Variants in MYH15 observed in about 807,000 individuals in gnomAD.
MYH15 encodes myosin-15.
A neutral mutation model predicts 240.5 loss-of-function variants in MYH15; 227 were observed. The observed-to-expected ratio is 0.94, with a 90% CI of 0.85 to 1.05. The LOEUF (loss-of-function observed/expected upper bound fraction) is 1.05. MYH15 is among the 50% of genes least tolerant of loss of function. MYH15 has a pLI of 0.00. For missense variants in MYH15, 2,217 were observed against 2,247.5 expected, an observed-to-expected ratio of 0.99 and a Z score of 0.27; for synonymous variants, 785 against 796.7, an observed-to-expected ratio of 0.99 and a Z score of 0.25.
At chr3:108,398,353 G>A (rs1175643856) in intron 35 of MYH15, among the ~76,000 whole-genome samples, 3 of 152,322 alleles carry the variant, frequency 2.0e-5, no homozygotes, top group East Asian at 3.9e-4. Context: ...GGTTTCAGAG[G>A]GAGCATGGCC....
chr3:108,414,135 G>T, intron 30 of MYH15, 97 bp downstream of exon 30: 1 of 1,314,028 alleles, frequency 7.6e-7, no homozygotes, highest in Non-Finnish European at 1.1e-6. Flanking sequence ...GCAAGGATTT[G>T]TTAAGTGCAT....
At chr3:108,549,300 C>T in the MYH15 span, among the ~76,000 whole-genome samples, 1 of 146,388 alleles carries the variant, frequency 6.8e-6, no homozygotes, top group African/African-American at 2.5e-5. Context: ...CACAGTCCAA[C>T]AAGAAAAAAA....
chr3:108,528,354 C>A (rs2083689244), intron 1 of MYH15, among the ~76,000 whole-genome samples: 1 of 152,086 alleles, frequency 6.6e-6, no homozygotes, highest in South Asian at 2.1e-4. Flanking sequence ...ATGGCCATAT[C>A]ATTGGAAGAC....
rs375955197 is a variant in MYH15 at position 108,425,506 on chromosome 3, G to GAATGGA, written c.3702+2980_3702+2985dup. On this transcript the variant is annotated intron_variant, in intron 27 of 40. Coordinates refer to ENST00000693548, the MANE Select transcript of MYH15 (RefSeq NM_014981.3). ...AGTAGACAGACCTACATGGGAATGG[G>GAATGGA]AATGGAAAACTATGAGATGGTAAAA... Among the ~76,000 whole-genome samples, 1,167 of 152,282 alleles carry GAATGGA rather than the reference G, an allele frequency of 7.7e-3. 18 individuals carry two copies. Among genetic ancestry groups the GAATGGA allele is most frequent in the African/African-American group, 0.026 (1,098 of 41,550 alleles).
intron 37 of MYH15, among the ~76,000 whole-genome samples, chr3:108,391,469 C>T (rs2082422203): frequency 6.6e-6 from 1 of 152,050 alleles, no homozygotes; most frequent in South Asian, 2.1e-4. Context: ...CACCAGGTAG[C>T]CTTGGAGTGA....
In MYH15 at chr3:108,414,246, G is replaced by C; in HGVS notation, c.4131C>G (p.Asp1377Glu). ...YENNVIQRTE[D>E]LEDAKKELAI... is the part of the protein sequence containing the mutation. ...GCCCTACTCACTTGGCATCCTCCAA[G>C]TCTTCTGTTCTCTGGATGACATTGT... Residue 1377 changes from aspartate (D) to glutamate (E), a missense_variant, in exon 30 of 41, where the codon GAC (aspartate) becomes GAG (glutamate). Physicochemically the swap from Asp to Glu is conservative, Grantham distance 45 (BLOSUM62 2). Coordinates refer to ENST00000693548, the MANE Select transcript of MYH15 (RefSeq NM_014981.3). 1 of 1,614,088 alleles carries C rather than the reference G, an allele frequency of 6.2e-7. No individual in the cohort carries two copies. The highest frequency in any genetic ancestry group is 1.3e-5 in the African/African-American group (1 of 75,030).
intron 25 of MYH15, among the ~76,000 whole-genome samples, chr3:108,431,882 C>A (rs973242214): frequency 2.6e-5 from 4 of 152,112 alleles, no homozygotes; most frequent in Non-Finnish European, 5.9e-5. Flanking sequence ...ACTTGGGAAC[C>A]AGAGCAAAGG....
At chr3:108,523,023 C>G (rs188457720) in intron 1 of MYH15, among the ~76,000 whole-genome samples, 59 of 152,050 alleles carry the variant, frequency 3.9e-4, no homozygotes, top group Non-Finnish European at 7.8e-4. Context: ...AGAACATTTG[C>G]GAAAGGACTT....
intron 10 of MYH15, 107 bp downstream of exon 10, chr3:108,486,316 G>A (rs779198828): frequency 3.7e-6 from 3 of 807,982 alleles, no homozygotes; most frequent in Admixed American, 4.9e-5. Context: ...ACACCCCTAC[G>A]GAAGCAAGAC....
At chr3:108,421,582 T>C (rs2082684922) in intron 27 of MYH15, among the ~76,000 whole-genome samples, 1 of 152,300 alleles carries the variant, frequency 6.6e-6, no homozygotes, top group East Asian at 1.9e-4. Context: ...AATATAACTC[T>C]CATGAGGGTA....
In MYH15 at chr3:108,470,204, G is replaced by T. The variant is rs760214534; in HGVS notation, c.1392C>A (p.Ser464Arg). 24 of 1,599,628 alleles carry T rather than the reference G, an allele frequency of 1.5e-5. No individual in the cohort carries two copies. In the South Asian group the frequency reaches 1.6e-4, roughly 11 times the overall value. The change falls in exon 14 of 41, where the codon AGC becomes AGA. Residue 464 changes from serine (S) to arginine (R), a missense_variant. Coordinates refer to ENST00000693548, the MANE Select transcript of MYH15 (RefSeq NM_014981.3). ...ITGFEILEYN[S>R]LEQLCINFTN... ...TAAAATTAATGCAAAGTTGCTCAAG[G>T]CTATTATACTTCAAGGATATGAATA...
chr3:108,392,017 C>T, intron 36 of MYH15, 87 bp from the exon 37 acceptor site: 1 of 1,418,826 alleles, frequency 7.0e-7, no homozygotes, highest in South Asian at 1.3e-5. Context: ...CCTGGTCTGA[C>T]TGGCTGCCAC....
chr3:108,390,926 T>C (rs1201085645), intron 37 of MYH15, among the ~76,000 whole-genome samples: 3 of 152,238 alleles, frequency 2.0e-5, no homozygotes, highest in Non-Finnish European at 2.9e-5. Flanking sequence ...ATTTTTATTT[T>C]TCTGATTTAT....
rs373089482 is a variant in MYH15 at position 108,470,091 on chromosome 3, G to A, written c.1505C>T (p.Ser502Phe). The stretch of plus-strand genomic sequence containing the variant: ...TTGCAAATCCAGACCAAAGCCAATA[G>A]ACACCCATTCAATGCTTTCTTTCTT... ...EYKKESIEWV[S>F]IGFGLDLQAC... is the part of the protein sequence containing the mutation. Residue 502 changes from serine to phenylalanine, a missense_variant, in exon 14 of 41, where the codon TCT becomes TTT. By Grantham distance (155) the Ser-to-Phe change is radical. Transcript: ENST00000693548. 9.3e-6 allele frequency: 15 copies of A among 1,611,592 alleles called. No individual in the cohort carries two copies. The highest frequency in any genetic ancestry group is 5.0e-5 in the Admixed American group (3 of 59,538).
chr3:108,432,396 T>A (rs1452757886), intron 25 of MYH15, among the ~76,000 whole-genome samples: 2 of 151,838 alleles, frequency 1.3e-5, no homozygotes, highest in African/African-American at 4.8e-5. Flanking sequence ...CATAAAAGTT[T>A]GGAAAATTTG....
At chr3:108,477,605 T>C (rs571157676) in intron 11 of MYH15, among the ~76,000 whole-genome samples, 42 of 152,290 alleles carry the variant, frequency 2.8e-4, no homozygotes, top group Middle Eastern at 3.4e-3. Flanking sequence ...TGTGGACTCT[T>C]TCAACAAAAC....
At chr3:108,402,583 T>G (rs13090812) in intron 33 of MYH15, among the ~76,000 whole-genome samples, 76,735 of 152,096 alleles carry the variant, frequency 0.5, 20,544 homozygotes, top group Non-Finnish European at 0.61. Flanking sequence ...GAGAAAAAGC[T>G]TGCCTAGCCT....
At chr3:108,489,037 A>G (rs2083327106) in intron 9 of MYH15, among the ~76,000 whole-genome samples, 1 of 152,184 alleles carries the variant, frequency 6.6e-6, no homozygotes. Context: ...GGCTTTTCTC[A>G]TAGACCTGTT....
chr3:108,384,701 G>A lies in MYH15; in HGVS notation c.5617C>T (p.Gln1873Ter). ...LQLKVQNYKQ[Q>*]VEVAETQANQ... ...CAGGCACTCACCGCCACCTCGACTT[G>A]CTGCTTGTAATTTTGCACTTTTAGC... The change falls in exon 39 of 41, where the codon CAA (glutamine) becomes TAA (stop). Residue 1873 changes from glutamine to a stop codon, truncating the protein, a stop_gained. Coordinates refer to ENST00000693548, the MANE Select transcript of MYH15 (RefSeq NM_014981.3). LOFTEE classifies it high-confidence loss of function. 1.2e-6 allele frequency: 2 copies of A among 1,613,548 alleles called. No homozygotes were observed. Among genetic ancestry groups the A allele is most frequent in the South Asian group, 1.1e-5 (1 of 91,064 alleles).
Sources: gnomAD v4.1 joint callset for allele counts (sites outside exome capture counted in the v4.1 genomes callset) on GRCh38, gnomAD v4.1.1 for gene constraint, MANE v1.5 for transcripts, NCBI Gene and HGNC (gene_info 2026-07-23, HGNC 2026-07-21) for gene names.